The following BBS9 variants were observed in gnomAD, a reference collection of about 807,000 sequenced individuals.
The protein encoded by BBS9 is Bardet-Biedl syndrome 9, also known as protein PTHB1.
A neutral mutation model predicts 117.7 loss-of-function variants in BBS9; 89 were observed. The ratio of observed to expected loss-of-function variants is 0.76; its 90% CI spans 0.64 to 0.90. The LOEUF is 0.90. Among genes scored for constraint, BBS9 ranks in the 40% least tolerant of loss-of-function variants. BBS9 has a pLI of 0.00. For missense variants in BBS9, 982 were observed against 1,042.2 expected (o/e 0.94, Z 0.80); for synonymous variants, 379 against 370.9 (o/e 1.02, Z -0.25).
intron 9 of BBS9, among the ~76,000 whole-genome samples, chr7:33,297,222 A>C (rs1805456162): frequency 6.6e-6 from 1 of 152,116 alleles, no homozygotes; most frequent in African/African-American, 2.4e-5. Context: ...TTTTCTCTAC[A>C]TGTTTGCTCC....
At chr7:33,467,676 T>C (rs980799141) in intron 19 of BBS9, among the ~76,000 whole-genome samples, 2 of 151,812 alleles carry the variant, frequency 1.3e-5, no homozygotes, top group African/African-American at 4.8e-5. Flanking sequence ...AGATCATCCT[T>C]AGGTGGTAGA....
intron 3 of BBS9, among the ~76,000 whole-genome samples, chr7:33,153,872 C>T (rs948562082): frequency 3.9e-5 from 6 of 152,134 alleles, no homozygotes; most frequent in Non-Finnish European, 8.8e-5. Flanking sequence ...ATTAGGTTCC[C>T]ATCATGTGCC....
At chr7:33,565,595 A>G (rs766088488) in intron 21 of BBS9, among the ~76,000 whole-genome samples, 2 of 151,418 alleles carry the variant, frequency 1.3e-5, no homozygotes, top group Admixed American at 6.6e-5. Context: ...TTTAAATTCT[A>G]TATTCAGTTC....
intron 21 of BBS9, among the ~76,000 whole-genome samples, chr7:33,582,099 C>T (rs1446319053): frequency 1.3e-5 from 2 of 151,948 alleles, no homozygotes; most frequent in Non-Finnish European, 2.9e-5. Flanking sequence ...TTGGTTTTCT[C>T]ACCTACCCCT....
At chr7:33,586,094 T>G (rs1174730977) in intron 21 of BBS9, among the ~76,000 whole-genome samples, 1 of 152,066 alleles carries the variant, frequency 6.6e-6, no homozygotes, top group Non-Finnish European at 1.5e-5. Flanking sequence ...AAATAGAAAC[T>G]CAAAGGTATT....
In BBS9 at chr7:33,357,893, C is replaced by G; in HGVS notation, c.1591C>G (p.Leu531Val). 6.2e-7 allele frequency: 1 copy of G among 1,612,000 alleles called. No homozygotes were observed. The highest frequency in any genetic ancestry group is 8.5e-7 in the Non-Finnish European group (1 of 1,178,432). ...TATCCAATGTAAATTTAGACTTCCCCTAAAGTTAATTTGCCTACCAGGTCA... is the reference window on the plus strand; with the variant it reads ...TATCCAATGTAAATTTAGACTTCCCGTAAAGTTAATTTGCCTACCAGGTCA... The part of the protein sequence containing the change: ...RVIQCKFRLP[L>V]KLICLPGQPS... The change falls in exon 16 of 23, where the codon CTA becomes GTA. Residue 531 changes from leucine to valine, a missense_variant. Transcript: ENST00000242067.
chr7:33,448,251 G>GGA (rs1304696567), intron 19 of BBS9, among the ~76,000 whole-genome samples: 7 of 152,190 alleles, frequency 4.6e-5, no homozygotes, highest in Admixed American at 3.9e-4. Flanking sequence ...AATTGCCCCA[G>GGA]TTCAGGCCTC....
chr7:33,276,434 T>C (rs1039345583), intron 9 of BBS9, among the ~76,000 whole-genome samples: 4 of 152,008 alleles, frequency 2.6e-5, no homozygotes, highest in African/African-American at 9.7e-5. Flanking sequence ...TTTTAATCAC[T>C]TGCAAAAAAG....
At chr7:33,615,196 C>G (rs901618261) in intron 21 of BBS9, among the ~76,000 whole-genome samples, 1 of 151,800 alleles carries the variant, frequency 6.6e-6, no homozygotes, top group Non-Finnish European at 1.5e-5. Flanking sequence ...ATCCAGCTGC[C>G]AAGAAAAACT....
chr7:33,566,604 T>C (rs1856964738), intron 21 of BBS9, among the ~76,000 whole-genome samples: 1 of 152,110 alleles, frequency 6.6e-6, no homozygotes, highest in South Asian at 2.1e-4. Flanking sequence ...ATTTAGTGCT[T>C]TTCAAATTTA....
At chr7:33,500,503 G>C (rs761203620) in intron 19 of BBS9, among the ~76,000 whole-genome samples, 1 of 152,200 alleles carries the variant, frequency 6.6e-6, no homozygotes, top group Non-Finnish European at 1.5e-5. Flanking sequence ...ATCGGGAAGT[G>C]GGGGGACAGG....
At chr7:33,258,167 G>T (rs1314044378) in intron 6 of BBS9, among the ~76,000 whole-genome samples, 1 of 152,184 alleles carries the variant, frequency 6.6e-6, no homozygotes, top group African/African-American at 2.4e-5. Context: ...AGCCTTGGAG[G>T]TTTTCAGTGC....
At chr7:33,152,562 G>C in intron 2 of BBS9, 139 bp from the exon 3 acceptor site, 1 of 743,188 alleles carries the variant, frequency 1.3e-6, no homozygotes, top group South Asian at 1.8e-5. Flanking sequence ...TTTTTTGACA[G>C]AGTGGCCTTT....
chr7:33,268,776 G>T (rs565375527), intron 7 of BBS9, among the ~76,000 whole-genome samples: 2 of 152,220 alleles, frequency 1.3e-5, no homozygotes, highest in Non-Finnish European at 2.9e-5. Context: ...TTAGTGGCTG[G>T]ATCTCAGACT....
In BBS9 at chr7:33,139,117, T is replaced by C. The variant is rs536328721; in HGVS notation, c.-11-7125T>C. On this transcript the variant is annotated intron_variant, in intron 1 of 22. Transcript: ENST00000242067. ...AAAATACAAAATTAGCTGGGCGTGGTGGCGCATGCCTGTAATACCAGCTAT... is the reference window on the plus strand; with the variant it reads ...AAAATACAAAATTAGCTGGGCGTGGCGGCGCATGCCTGTAATACCAGCTAT... Among the ~76,000 whole-genome samples the C allele has an allele frequency of 6.0e-5, 9 of 151,220 alleles. No individual in the cohort carries two copies. The South Asian group carries it at 1.9e-3, about 32-fold the overall frequency.
chr7:33,572,735 A>G (rs1425030122), intron 21 of BBS9, among the ~76,000 whole-genome samples: 2 of 151,976 alleles, frequency 1.3e-5, no homozygotes, highest in Non-Finnish European at 2.9e-5. Flanking sequence ...GCCCATTTGT[A>G]TACCTTCTTT....
intron 21 of BBS9, among the ~76,000 whole-genome samples, chr7:33,584,184 G>T (rs1202123840): frequency 6.6e-6 from 1 of 151,848 alleles, no homozygotes; most frequent in Admixed American, 6.6e-5. Flanking sequence ...CATGTATTTT[G>T]TAATCTTCTA....
intron 21 of BBS9, among the ~76,000 whole-genome samples, chr7:33,590,754 C>T (rs928171980): frequency 1.3e-5 from 2 of 151,936 alleles, no homozygotes; most frequent in Non-Finnish European, 2.9e-5. Flanking sequence ...CATCCATTTA[C>T]TCACTTAATC....
intron 19 of BBS9, among the ~76,000 whole-genome samples, chr7:33,439,433 C>T (rs1835803795): frequency 6.6e-6 from 1 of 152,006 alleles, no homozygotes; most frequent in African/African-American, 2.4e-5. Flanking sequence ...TAGATTTCTA[C>T]ATTTCTCTTC....
Sources: allele counts gnomAD v4.1 joint callset (sites outside exome capture counted in the v4.1 genomes callset), GRCh38; gene constraint gnomAD v4.1.1; transcripts MANE v1.5; gene names NCBI Gene and HGNC (gene_info 2026-07-23, HGNC 2026-07-21).